VPS13B: variants seen among roughly 807,000 people sequenced by gnomAD.
VPS13B encodes the protein intermembrane lipid transfer protein VPS13B.
In VPS13B, 285 loss-of-function variants were observed where a neutral mutation model predicts 426.4. That is an observed-to-expected ratio of 0.67 (90% CI 0.61 to 0.74). VPS13B has a LOEUF of 0.74. VPS13B is among the 30% of genes least tolerant of loss of function. The pLI is 0.00. For missense variants in VPS13B, 4,537 were observed against 4,782.6 expected (o/e 0.95, Z 1.51); for synonymous variants, 1,676 against 1,676.4 (o/e 1.00, Z 0.01).
At chr8:99,358,072 C>G (rs1047824104) in intron 19 of VPS13B, among the ~76,000 whole-genome samples, 2 of 151,902 alleles carry the variant, frequency 1.3e-5, no homozygotes, top group Non-Finnish European at 2.9e-5. Context: ...TGACAATTCT[C>G]TTTTTGCATT....
At chr8:99,233,011 C>T in intron 17 of VPS13B, 1 of 838,210 alleles carries the variant, frequency 1.2e-6, no homozygotes, top group African/African-American at 1.7e-5. Context: ...TGGAAGGGCT[C>T]CATTCATCTG....
intron 19 of VPS13B, chr8:99,340,892 ACT>A (rs1260330429): frequency 2.3e-5 from 7 of 301,732 alleles, no homozygotes; most frequent in East Asian, 2.0e-4. Flanking sequence ...TGGTTGTCTG[ACT>A]CTCTGTGGAC....
In VPS13B at chr8:99,470,653, G is replaced by GA. The variant is rs555887701; in HGVS notation, c.3666+3021dup. Among the ~76,000 whole-genome samples the GA allele has an allele frequency of 3.2e-4, 48 of 151,332 alleles. No homozygotes were observed. In the South Asian group the frequency reaches 9.1e-3, roughly 29 times the overall value. ...AGTGAACAGAGCTTCAATGATTGTA[G>GA]AATAGAAAAGTCGAATATTGTGTAC... On this transcript the variant is annotated intron_variant, in intron 24 of 61. Coordinates refer to ENST00000357162, the MANE Select transcript of VPS13B (RefSeq NM_152564.5).
intron 30 of VPS13B, among the ~76,000 whole-genome samples, chr8:99,524,745 G>C (rs1287606931): frequency 6.6e-6 from 1 of 152,078 alleles, no homozygotes; most frequent in African/African-American, 2.4e-5. Flanking sequence ...GTGAGCTGTG[G>C]TTATACCCCC....
intron 29 of VPS13B, among the ~76,000 whole-genome samples, chr8:99,513,542 G>A (rs1379345519): frequency 6.6e-6 from 1 of 152,058 alleles, no homozygotes. Flanking sequence ...AAATGTTGAC[G>A]ATTTATAAAT....
chr8:99,355,837 A>G (rs1812153320), intron 19 of VPS13B, among the ~76,000 whole-genome samples: 1 of 152,064 alleles, frequency 6.6e-6, no homozygotes, highest in Non-Finnish European at 1.5e-5. Context: ...TATTACTTAT[A>G]ATTATTATAA....
chr8:99,683,096 T>A (rs1379675356), intron 35 of VPS13B, among the ~76,000 whole-genome samples: 1 of 152,238 alleles, frequency 6.6e-6, no homozygotes, highest in Admixed American at 6.5e-5. Flanking sequence ...ATACAGATAT[T>A]CAACACCATC....
chr8:99,180,076 CCT>C (rs1812864591), intron 16 of VPS13B, among the ~76,000 whole-genome samples: 1 of 152,118 alleles, frequency 6.6e-6, no homozygotes, highest in Non-Finnish European at 1.5e-5. Flanking sequence ...CACTTCATCT[CCT>C]TTTTTTCCTG....
intron 51 of VPS13B, among the ~76,000 whole-genome samples, chr8:99,832,122 C>G (rs1173345641): frequency 6.6e-6 from 1 of 151,798 alleles, no homozygotes; most frequent in Non-Finnish European, 1.5e-5. Context: ...ATTAGCCGGG[C>G]GTGGTGGCAT....
intron 20 of VPS13B, 66 bp downstream of exon 20, chr8:99,384,383 A>G: frequency 3.1e-6 from 4 of 1,291,476 alleles, no homozygotes; most frequent in Non-Finnish European, 4.4e-6. Context: ...GTAGAATTAT[A>G]TATGTCTTTT....
At position 99,275,255 on chromosome 8, in the gene VPS13B, G is replaced by A. The variant is rs1818833358; in HGVS notation, c.2824+1G>A. 1.2e-6 allele frequency: 2 copies of A among 1,605,414 alleles called. No individual in the cohort carries two copies. Among genetic ancestry groups the A allele is most frequent in the East Asian group, 4.5e-5 (2 of 44,434 alleles). ...TATATTGACTACTGCCACAATTCCG[G>A]TAAGTACAAACCTATCATTATTCCC... is the stretch of plus-strand genomic sequence containing the variant. On this transcript the variant is annotated splice_donor_variant, in intron 19 of 61. Coordinates refer to ENST00000357162, the MANE Select transcript of VPS13B (RefSeq NM_152564.5). LOFTEE classifies it high-confidence loss of function.
intron 33 of VPS13B, among the ~76,000 whole-genome samples, chr8:99,592,654 C>T (rs1826752326): frequency 6.6e-6 from 1 of 152,166 alleles, no homozygotes; most frequent in Non-Finnish European, 1.5e-5. Flanking sequence ...CACTACCAGA[C>T]TTCAAACTAT....
intron 19 of VPS13B, among the ~76,000 whole-genome samples, chr8:99,354,266 CT>C (rs71273176): frequency 1.2e-3 from 26 of 22,190 alleles, no homozygotes; most frequent in Non-Finnish European, 1.7e-3. Flanking sequence ...CTCCCCCTGC[CT>C]TTTTTTTTTT....
chr8:99,515,438 G>A (rs1822014448), intron 29 of VPS13B, among the ~76,000 whole-genome samples: 1 of 151,930 alleles, frequency 6.6e-6, no homozygotes, highest in South Asian at 2.1e-4. Flanking sequence ...TGCTGCTGCT[G>A]CTGCTGCTTT....
At chr8:99,629,402 T>C (rs1828746572) in intron 33 of VPS13B, among the ~76,000 whole-genome samples, 1 of 152,210 alleles carries the variant, frequency 6.6e-6, no homozygotes, top group Non-Finnish European at 1.5e-5. Context: ...TATAACATGC[T>C]CTTGGACTCA....
chr8:99,159,813 C>T (rs1811548966), intron 15 of VPS13B, among the ~76,000 whole-genome samples: 1 of 152,080 alleles, frequency 6.6e-6, no homozygotes, highest in Non-Finnish European at 1.5e-5. Flanking sequence ...TACACATGCC[C>T]ATGCTCAGCT....
intron 39 of VPS13B, among the ~76,000 whole-genome samples, chr8:99,734,375 G>A (rs943608222): frequency 6.6e-6 from 1 of 152,130 alleles, no homozygotes; most frequent in African/African-American, 2.4e-5. Context: ...TGATGATGAT[G>A]ATTAATCATA....
Position 99,821,318 on chromosome 8 carries a change from T to G in VPS13B, c.9019T>G (p.Trp3007Gly). 1.2e-6 allele frequency: 2 copies of G among 1,613,752 alleles called. No homozygotes were observed. Among genetic ancestry groups the G allele is most frequent in the Non-Finnish European group, 1.7e-6 (2 of 1,179,770 alleles). Residue 3007 changes from tryptophan (W) to glycine (G), a missense_variant, in exon 50 of 62, where the codon TGG becomes GGG. By Grantham distance (184) the Trp-to-Gly change is radical. Coordinates refer to ENST00000357162, the MANE Select transcript of VPS13B (RefSeq NM_152564.5). ...FQEAFQIGIY[W>G]ANTNTVHKSV... ...GGAAGCTTTTCAAATTGGAATATAC[T>G]GGGCAAATACAAACACTGTGCACAA... is the stretch of plus-strand genomic sequence containing the variant.
intron 25 of VPS13B, among the ~76,000 whole-genome samples, chr8:99,487,142 C>T (rs968247482): frequency 3.3e-5 from 5 of 151,332 alleles, no homozygotes; most frequent in African/African-American, 1.2e-4. Flanking sequence ...CCAGGAAATC[C>T]ATTCATATTG....
Sources: gnomAD v4.1 joint callset for allele counts (sites outside exome capture counted in the v4.1 genomes callset) on GRCh38, gnomAD v4.1.1 for gene constraint, MANE v1.5 for transcripts, NCBI Gene and HGNC (gene_info 2026-07-23, HGNC 2026-07-21) for gene names.